The following CDKL5 variants were observed in gnomAD, a reference collection of about 807,000 sequenced individuals.
The protein encoded by CDKL5 is cyclin dependent kinase like 5.
In CDKL5, 8 loss-of-function variants were observed where a neutral mutation model predicts 61.7. That is an observed-to-expected ratio of 0.13 (90% CI 0.08 to 0.23). The LOEUF (loss-of-function observed/expected upper bound fraction) is 0.23, where lower values mean the gene tolerates loss of function less well. CDKL5 is among the 10% of genes least tolerant of loss of function. The pLI is 1.00. For synonymous variants in CDKL5, 275 were observed against 272.3 expected (o/e 1.01, Z -0.10); for missense variants, 440 against 734.5 (o/e 0.60, Z 4.63).
chrX:18,546,342 A>G (rs751598588), intron 3 of CDKL5, among the ~76,000 whole-genome samples: 7 of 104,322 alleles, frequency 6.7e-5, no homozygotes, highest in African/African-American at 2.5e-4. Context: ...GCTCACTGCA[A>G]TCTCCGCCTC....
intron 15 of CDKL5, among the ~76,000 whole-genome samples, chrX:18,618,243 G>A (rs1027042767): frequency 3.6e-5 from 4 of 111,996 alleles, no homozygotes; most frequent in African/African-American, 6.5e-5. Flanking sequence ...ATTCTGCTTG[G>A]TAAAAACTTC....
Position 18,494,533 on chromosome X carries a change from A to G in CDKL5, c.-162-12402A>G, listed in dbSNP as rs777897638. On this transcript the variant is annotated intron_variant, in intron 1 of 17. Transcript: ENST00000623535. ...CTTGGCCTCCCATAGTGCTGGGATT[A>G]CAGGCGTTAGCCACCCAGCCCAGCC... is the stretch of plus-strand genomic sequence containing the variant. 2.8e-4 allele frequency among the ~76,000 whole-genome samples: 31 copies of G among 112,534 alleles called. No homozygotes were observed. The East Asian group carries it at 8.1e-3, about 30-fold the overall frequency.
Position 18,632,734 on chromosome X carries a change from G to A in CDKL5, c.*3977G>A, listed in dbSNP as rs1927270777. On this transcript the variant is annotated 3_prime_UTR_variant, in exon 18 of 18. Coordinates refer to ENST00000623535, the MANE Select transcript of CDKL5 (RefSeq NM_001323289.2). ...ATGTATTATAAAGTATGTTGTGGTT[G>A]TAGAGTTAGCCAGTTTAGCATGTTC... 1.3e-6 allele frequency: 1 copy of A among 754,373 alleles called. No individual in the cohort carries two copies. The highest frequency in any genetic ancestry group is 1.6e-6 in the Non-Finnish European group (1 of 639,242). The allele number at this position is 754,373 out of a possible 1,213,427, so 62.2% of individuals were successfully genotyped here.
At chrX:18,485,453 G>A (rs971587067) in intron 1 of CDKL5, among the ~76,000 whole-genome samples, 7 of 111,890 alleles carry the variant, frequency 6.3e-5, no homozygotes, top group Non-Finnish European at 1.3e-4. Context: ...GTCTATGGCA[G>A]TAGCCTTCAA....
At position 18,595,212 on chromosome X, in the gene CDKL5, C is replaced by T; in HGVS notation, c.745-136C>T. On this transcript the variant is annotated intron_variant, in intron 9 of 17. Coordinates refer to ENST00000623535, the MANE Select transcript of CDKL5 (RefSeq NM_001323289.2). ...CAAACAAAAAAAAATACATAGACAA[C>T]AAAAGTAATATACAAGTATGAATTT... The T allele has an allele frequency of 7.8e-6, 4 of 510,049 alleles. No homozygotes were observed. In the South Asian group the frequency reaches 1.0e-4, roughly 13 times the overall value. 42.0% of individuals were successfully genotyped at this position (510,049 alleles called of 1,213,427 possible). A position where few individuals can be genotyped will look rare whatever the true frequency, so the allele number is the denominator to read the frequency against.
Position 18,629,351 on chromosome X carries a change from G to C in CDKL5, c.*594G>C. The C allele has an allele frequency of 1.4e-6, 1 of 690,153 alleles. No homozygotes were observed. The highest frequency in any genetic ancestry group is 2.4e-5 in the African/African-American group (1 of 42,299). The allele number at this position is 690,153 out of a possible 1,213,427, so 56.9% of individuals were successfully genotyped here. ...TTATGTTATAATGTAAAGTTATTTT[G>C]AGCTGTTTGAAACATTGTGAAGCAG... On this transcript the variant is annotated 3_prime_UTR_variant, in exon 18 of 18. Coordinates refer to ENST00000623535, the MANE Select transcript of CDKL5 (RefSeq NM_001323289.2).
Position 18,525,205 on chromosome X carries a change from G to A in CDKL5, c.99+14351G>A, listed in dbSNP as rs755606843. 1.6e-4 allele frequency among the ~76,000 whole-genome samples: 18 copies of A among 111,483 alleles called. No homozygotes were observed. In the South Asian group the frequency reaches 2.6e-3, roughly 16 times the overall value. Reference sequence around the variant, plus strand: ...ACCTCCACATCCTGGGTTCAAGCACGTCCTAGTCTCAGCCTCCTGAGTTGC... The same window carrying A: ...ACCTCCACATCCTGGGTTCAAGCACATCCTAGTCTCAGCCTCCTGAGTTGC... On this transcript the variant is annotated intron_variant, in intron 3 of 17. Coordinates refer to ENST00000623535, the MANE Select transcript of CDKL5 (RefSeq NM_001323289.2).
At chrX:18,442,431 C>G (rs890611410) in intron 1 of CDKL5, 3 of 111,838 alleles carry the variant, frequency 2.7e-5, no homozygotes, top group Admixed American at 9.6e-5. Context: ...CAGGTACTCT[C>G]CTTAGTTTTT....
intron 3 of CDKL5, among the ~76,000 whole-genome samples, chrX:18,525,744 CTTT>C (rs778200388): frequency 5.3e-5 from 4 of 75,612 alleles, no homozygotes; most frequent in Non-Finnish European, 2.6e-5. Flanking sequence ...AATATTGAGT[CTTT>C]TTTTTTTTTT....
chrX:18,612,506 A>G (rs1420917619), intron 14 of CDKL5, among the ~76,000 whole-genome samples: 1 of 110,159 alleles, frequency 9.1e-6, no homozygotes, highest in East Asian at 2.8e-4. Context: ...TGTCTCTACA[A>G]AAAATTAGCC....
At chrX:18,520,412 C>T (rs1212472144) in intron 3 of CDKL5, among the ~76,000 whole-genome samples, 2 of 112,283 alleles carry the variant, frequency 1.8e-5, no homozygotes, top group African/African-American at 6.5e-5. Flanking sequence ...TGTAACAGTA[C>T]TTCATTCCAT....
intron 1 of CDKL5, among the ~76,000 whole-genome samples, chrX:18,479,346 G>A (rs1416827500): frequency 1.2e-5 from 1 of 83,397 alleles, no homozygotes; most frequent in Non-Finnish European, 2.2e-5. Flanking sequence ...TTGAGATGGA[G>A]TCTCACACTC....
chrX:18,519,319 T>C (rs1485266537), intron 3 of CDKL5, among the ~76,000 whole-genome samples: 2 of 112,202 alleles, frequency 1.8e-5, no homozygotes, highest in East Asian at 5.6e-4. Flanking sequence ...AAATATTTAT[T>C]ATCTGACTTT....
At chrX:18,580,372 C>T (rs2147142986) in intron 6 of CDKL5, among the ~76,000 whole-genome samples, 1 of 111,551 alleles carries the variant, frequency 9.0e-6, no homozygotes, top group South Asian at 3.8e-4. Context: ...CTGAATCAGG[C>T]TTTATATAGG....
downstream of CDKL5, among the ~76,000 whole-genome samples, chrX:18,643,710 T>C (rs1183053143): frequency 8.9e-6 from 1 of 111,887 alleles, no homozygotes. Context: ...CAGCTGTACA[T>C]GTCTACTTAA....
intron 1 of CDKL5, among the ~76,000 whole-genome samples, chrX:18,500,394 G>A (rs1444807497): frequency 9.0e-6 from 1 of 111,652 alleles, no homozygotes; most frequent in African/African-American, 3.3e-5. Context: ...TGAATTTTGT[G>A]TTCCTTGATC....
At chrX:18,551,831 G>A (rs1244124042) in intron 3 of CDKL5, among the ~76,000 whole-genome samples, 1 of 108,044 alleles carries the variant, frequency 9.3e-6, no homozygotes, top group Non-Finnish European at 1.9e-5. Flanking sequence ...GGGCTCAAGC[G>A]ATTTGCCTGC....
In CDKL5 at chrX:18,510,148, TTTTG is replaced by T. The variant is rs768001344; in HGVS notation, c.65-652_65-649del. Among the ~76,000 whole-genome samples, 436 of 110,843 alleles carry T rather than the reference TTTTG, an allele frequency of 3.9e-3. 1 individual carries two copies. The Middle Eastern group carries it at 0.042, about 11-fold the overall frequency. On this transcript the variant is annotated intron_variant, in intron 2 of 17. Coordinates refer to ENST00000623535, the MANE Select transcript of CDKL5 (RefSeq NM_001323289.2). ...GGGATGTCATTAGCTCTTAAGGTTT[TTTTG>T]TTTGTTTGTTTGTTTGTTTTCGAGA...
chrX:18,461,436 G>GT (rs1333203817), intron 1 of CDKL5, among the ~76,000 whole-genome samples: 3 of 112,167 alleles, frequency 2.7e-5, no homozygotes, highest in African/African-American at 9.7e-5. Context: ...TCTGAAAATA[G>GT]TATAGACCTA....
Sources: allele counts gnomAD v4.1 joint callset (sites outside exome capture counted in the v4.1 genomes callset), GRCh38; gene constraint gnomAD v4.1.1; transcripts MANE v1.5; gene names NCBI Gene and HGNC (gene_info 2026-07-23, HGNC 2026-07-21).